Variants in DERA observed in about 807,000 individuals in gnomAD.
DERA encodes deoxyribose-phosphate aldolase, also known as 2-deoxy-D-ribose 5-phosphate aldolase.
Under a neutral mutation model 41.1 loss-of-function variants are expected in DERA, and 15 were observed. The observed-to-expected ratio is 0.37, with a 90% CI of 0.24 to 0.56. The LOEUF (loss-of-function observed/expected upper bound fraction) is 0.56, where lower values mean the gene tolerates loss of function less well. Among genes scored for constraint, DERA ranks in the 20% least tolerant of loss-of-function variants. DERA has a pLI of 0.81. For missense variants in DERA, 396 were observed against 403.4 expected, an observed-to-expected ratio of 0.98 and a Z score of 0.16; for synonymous variants, 139 against 137.4, an observed-to-expected ratio of 1.01 and a Z score of -0.08.
chr12:15,978,546 G>A lies in DERA; in HGVS notation c.509-3762G>A, dbSNP rs953972694. 7.2e-5 allele frequency among the ~76,000 whole-genome samples: 11 copies of A among 152,116 alleles called. No individual in the cohort carries two copies. In the East Asian group the frequency reaches 7.7e-4, roughly 11 times the overall value. On this transcript the variant is annotated intron_variant, in intron 5 of 8. Coordinates refer to ENST00000428559, the MANE Select transcript of DERA (RefSeq NM_015954.4). ...CTAAGTAATTAGGCTTAGAGAAATC[G>A]AATAATTCCTAAATGTTTACACAAC...
chr12:15,968,960 C>A (rs576968841), intron 5 of DERA, among the ~76,000 whole-genome samples: 1 of 152,344 alleles, frequency 6.6e-6, no homozygotes, highest in South Asian at 2.1e-4. Flanking sequence ...TCACTTCTCT[C>A]TGCTTCCATG....
At chr12:16,031,296 T>C (rs764497685) in intron 6 of DERA, among the ~76,000 whole-genome samples, 1 of 152,224 alleles carries the variant, frequency 6.6e-6, no homozygotes, top group Non-Finnish European at 1.5e-5. Context: ...GTATTTATAT[T>C]TTTCCATATG....
intron 1 of DERA, among the ~76,000 whole-genome samples, chr12:15,930,431 T>C (rs1948318825): frequency 6.6e-6 from 1 of 152,202 alleles, no homozygotes; most frequent in Admixed American, 6.5e-5. Flanking sequence ...CTTTTATTTT[T>C]CAGATTCTTT....
chr12:15,955,154 G>A (rs1053228737), intron 1 of DERA, among the ~76,000 whole-genome samples: 3 of 152,058 alleles, frequency 2.0e-5, no homozygotes, highest in African/African-American at 7.2e-5. Flanking sequence ...ACAAAAATTA[G>A]CCTGGCGTGG....
At chr12:15,950,727 T>G (rs1243742802) in intron 1 of DERA, among the ~76,000 whole-genome samples, 1 of 152,238 alleles carries the variant, frequency 6.6e-6, no homozygotes, top group Non-Finnish European at 1.5e-5. Context: ...CTCATGCCCA[T>G]CCTACATTCT....
At chr12:15,962,547 C>T (rs1592021686) in intron 4 of DERA, among the ~76,000 whole-genome samples, 1 of 152,332 alleles carries the variant, frequency 6.6e-6, no homozygotes, top group South Asian at 2.1e-4. Flanking sequence ...TCATGAGCAT[C>T]TCTGCAGCAT....
intron 5 of DERA, among the ~76,000 whole-genome samples, chr12:15,974,662 T>C (rs1948685560): frequency 6.6e-6 from 1 of 152,240 alleles, no homozygotes; most frequent in Non-Finnish European, 1.5e-5. Context: ...TAATAAGTAA[T>C]TAATATAGAT....
intron 5 of DERA, among the ~76,000 whole-genome samples, chr12:15,980,392 A>G (rs972394650): frequency 9.2e-5 from 14 of 152,234 alleles, no homozygotes; most frequent in African/African-American, 3.1e-4. Flanking sequence ...TTAAATCACA[A>G]GTTAACTTGG....
At position 15,954,219 on chromosome 12, in the gene DERA, A is replaced by G. The variant is rs1459015742; in HGVS notation, c.32-2717A>G. ...CTTTCTAGTCTGAAGCAGTGGAGAA[A>G]GACATTGCCCAGAATTAAATCCTTT... On this transcript the variant is annotated intron_variant, in intron 1 of 8. Coordinates refer to ENST00000428559, the MANE Select transcript of DERA (RefSeq NM_015954.4). The surrounding 1 kb of genome is among the most constrained non-coding windows in gnomAD (Gnocchi z 4.0). Among the ~76,000 whole-genome samples, 1 of 152,230 alleles carries G rather than the reference A, an allele frequency of 6.6e-6. No homozygotes were observed. The highest frequency in any genetic ancestry group is 1.5e-5 in the Non-Finnish European group (1 of 68,050).
Position 15,996,473 on chromosome 12 carries a change from C to T in DERA, c.637+14037C>T, listed in dbSNP as rs1462093026. ...TGCTTGACATACCTTGGCTTCACTCCAGTCTCTGCCTCTGTCACTAGATGG... is the reference window on the plus strand; with the variant it reads ...TGCTTGACATACCTTGGCTTCACTCTAGTCTCTGCCTCTGTCACTAGATGG... On this transcript the variant is annotated intron_variant, in intron 6 of 8. Transcript: ENST00000428559. The surrounding 1 kb of genome is among the most constrained non-coding windows in gnomAD (Gnocchi z 4.7). Among the ~76,000 whole-genome samples, 1 of 152,074 alleles carries T rather than the reference C, an allele frequency of 6.6e-6. No homozygotes were observed. The highest frequency in any genetic ancestry group is 1.5e-5 in the Non-Finnish European group (1 of 68,020).
chr12:16,004,088 C>G lies in DERA; in HGVS notation c.637+21652C>G, dbSNP rs1316687905. On this transcript the variant is annotated intron_variant, in intron 6 of 8. Coordinates refer to ENST00000428559, the MANE Select transcript of DERA (RefSeq NM_015954.4). The surrounding 1 kb of genome is among the most constrained non-coding windows in gnomAD (Gnocchi z 4.2). ...ATCTGGAAAAGTACATTCTGATTTC[C>G]AGCCGGCTGTGAATTTACAAACTTT... Among the ~76,000 whole-genome samples, 3 of 152,130 alleles carry G rather than the reference C, an allele frequency of 2.0e-5. No individual in the cohort carries two copies. The highest frequency in any genetic ancestry group is 4.4e-5 in the Non-Finnish European group (3 of 68,026).
rs1415109668 is a variant in DERA at position 15,936,876 on chromosome 12, TTGTCTTGTCTTGTCC to T, written c.32-20055_32-20041del. Among the ~76,000 whole-genome samples the T allele has an allele frequency of 1.5e-5, 2 of 134,306 alleles. No homozygotes were observed. The highest frequency in any genetic ancestry group is 6.9e-5 in the African/African-American group (2 of 28,842). 88.1% of individuals were successfully genotyped at this position (134,306 alleles called of 152,430 possible). On this transcript the variant is annotated intron_variant, in intron 1 of 8. Coordinates refer to ENST00000428559, the MANE Select transcript of DERA (RefSeq NM_015954.4). The surrounding 1 kb of genome is among the most constrained non-coding windows in gnomAD (Gnocchi z 4.6). Reference sequence around the variant, plus strand: ...TTGTCTTGTCTTGTCTTGTCTTGTCTTGTCTTGTCTTGTCCTGTCCTGTCCTGTCCTGTCCTGTCC... The same window carrying T: ...TTGTCTTGTCTTGTCTTGTCTTGTCTTGTCCTGTCCTGTCCTGTCCTGTCC...
At position 15,999,890 on chromosome 12, in the gene DERA, C is replaced by T. The variant is rs892919517; in HGVS notation, c.637+17454C>T. On this transcript the variant is annotated intron_variant, in intron 6 of 8. Transcript: ENST00000428559. This position sits in a 1 kb window ranked among gnomAD's most constrained non-coding sequence, Gnocchi z 5.3. ...TGCTTTGTAGAAGCAGAGCAGTGAT[C>T]AGATTTTCATTTTAGGGACATAACC... Among the ~76,000 whole-genome samples the T allele has an allele frequency of 1.3e-5, 2 of 152,092 alleles. No individual in the cohort carries two copies. The highest frequency in any genetic ancestry group is 2.9e-5 in the Non-Finnish European group (2 of 68,018).
intron 1 of DERA, among the ~76,000 whole-genome samples, chr12:15,934,928 T>A (rs542784963): frequency 1.6e-4 from 25 of 152,330 alleles, no homozygotes; most frequent in Admixed American, 5.9e-4. Context: ...ACCTTTTTCA[T>A]AGGTTTAAAC....
At chr12:15,945,965 C>T (rs927108398) in intron 1 of DERA, among the ~76,000 whole-genome samples, 3 of 152,212 alleles carry the variant, frequency 2.0e-5, no homozygotes, top group East Asian at 3.9e-4. Flanking sequence ...TGTCAAAGGC[C>T]TTTTCTGCAT....
chr12:16,027,602 G>A (rs557459506), intron 6 of DERA, among the ~76,000 whole-genome samples: 1 of 152,200 alleles, frequency 6.6e-6, no homozygotes, highest in Non-Finnish European at 1.5e-5. Flanking sequence ...AATGCTGAAA[G>A]CCATTAGAAG....
At position 15,943,722 on chromosome 12, in the gene DERA, T is replaced by C. The variant is rs565527573; in HGVS notation, c.32-13214T>C. ...TTTTTAATTTTTATTTATTTATTTA[T>C]TTATTTATTTATTTATTTTATTATA... On this transcript the variant is annotated intron_variant, in intron 1 of 8. Coordinates refer to ENST00000428559, the MANE Select transcript of DERA (RefSeq NM_015954.4). This position sits in a 1 kb window ranked among gnomAD's most constrained non-coding sequence, Gnocchi z 4.5. Among the ~76,000 whole-genome samples the C allele has an allele frequency of 2.6e-3, 383 of 150,000 alleles. 5 individuals are homozygous for C. Among genetic ancestry groups the C allele is most frequent in the South Asian group, 0.016 (77 of 4,798 alleles).
rs1166372680 is a variant in DERA at position 15,970,223 on chromosome 12, G to T, written c.508+7276G>T. The stretch of plus-strand genomic sequence containing the variant: ...TAAGAGTTATTTTCAGGCCATTCTT[G>T]TGCAGTGTTGAACATCTTTCTGATA... On this transcript the variant is annotated intron_variant, in intron 5 of 8. Coordinates refer to ENST00000428559, the MANE Select transcript of DERA (RefSeq NM_015954.4). The surrounding 1 kb of genome is among the most constrained non-coding windows in gnomAD (Gnocchi z 4.3). Among the ~76,000 whole-genome samples the T allele has an allele frequency of 6.6e-6, 1 of 152,088 alleles. No homozygotes were observed. The highest frequency in any genetic ancestry group is 1.9e-4 in the East Asian group (1 of 5,184).
rs1948390997 is a variant in DERA at position 15,938,977 on chromosome 12, A to G, written c.32-17959A>G. ...GTCTCTGGTATTGATGCCTTTGTGT[A>G]GTCCTGTACTGCATTAATTCTGGGC... On this transcript the variant is annotated intron_variant, in intron 1 of 8. Transcript: ENST00000428559. This position sits in a 1 kb window ranked among gnomAD's most constrained non-coding sequence, Gnocchi z 4.1. 6.6e-6 allele frequency among the ~76,000 whole-genome samples: 1 copy of G among 152,186 alleles called. No homozygotes were observed. The highest frequency in any genetic ancestry group is 1.5e-5 in the Non-Finnish European group (1 of 68,040).
Sources: allele counts gnomAD v4.1 joint callset (sites outside exome capture counted in the v4.1 genomes callset), GRCh38; gene constraint gnomAD v4.1.1; non-coding constraint Gnocchi (gnomAD v3.1); transcripts MANE v1.5; gene names NCBI Gene and HGNC (gene_info 2026-07-23, HGNC 2026-07-21).